SLC2A9: variants seen among roughly 807,000 people sequenced by gnomAD.
SLC2A9 encodes solute carrier family 2, facilitated glucose transporter member 9.
SLC2A9 carries 39 observed loss-of-function variants against 50.6 expected under a neutral mutation model. That is an observed-to-expected ratio of 0.77 (90% confidence interval 0.60 to 1.01). SLC2A9 has a LOEUF of 1.01. Among genes scored for constraint, SLC2A9 ranks in the 50% least tolerant of loss-of-function variants. The probability of loss-of-function intolerance (pLI) is 0.00; values close to 1 mark genes in which losing one functional copy is unlikely to be tolerated. For synonymous variants in SLC2A9, 324 were observed against 276.9 expected, an observed-to-expected ratio of 1.17 and a Z score of -1.69; for missense variants, 686 against 677.6, an observed-to-expected ratio of 1.01 and a Z score of -0.14.
chr4:9,904,273 G>A (rs1204889738), intron 8 of SLC2A9, among the ~76,000 whole-genome samples: 4 of 152,128 alleles, frequency 2.6e-5, no homozygotes, highest in Non-Finnish European at 5.9e-5. Flanking sequence ...GTGTCTGCAG[G>A]GCTGGTTCCT....
At chr4:10,014,937 C>T (rs1021184485) in intron 2 of SLC2A9, among the ~76,000 whole-genome samples, 2 of 152,162 alleles carry the variant, frequency 1.3e-5, no homozygotes, top group Non-Finnish European at 2.9e-5. Context: ...CCCCAAACCC[C>T]ATAGGGAGGG....
chr4:9,913,212 G>T (rs970984364), intron 7 of SLC2A9, among the ~76,000 whole-genome samples: 1 of 152,068 alleles, frequency 6.6e-6, no homozygotes, highest in Non-Finnish European at 1.5e-5. Flanking sequence ...TAATAGCTAA[G>T]CTATTGCAGT....
intron 3 of SLC2A9, among the ~76,000 whole-genome samples, chr4:9,786,488 C>T (rs1719236818): frequency 6.6e-6 from 1 of 152,144 alleles, no homozygotes; most frequent in Non-Finnish European, 1.5e-5. Context: ...TGATTCATCC[C>T]CACAGCTATA....
At chr4:10,025,558 T>C (rs1271009489), upstream of SLC2A9, among the ~76,000 whole-genome samples, 1 of 152,156 alleles carries the variant, frequency 6.6e-6, no homozygotes, top group African/African-American at 2.4e-5. Flanking sequence ...AGCTTTGTGA[T>C]GGATTAAGGG....
chr4:9,969,657 C>T (rs1753583615), intron 5 of SLC2A9, among the ~76,000 whole-genome samples: 1 of 152,156 alleles, frequency 6.6e-6, no homozygotes, highest in African/African-American at 2.4e-5. Flanking sequence ...TTCCCCATGG[C>T]TGGGGAGGCT....
intron 8 of SLC2A9, among the ~76,000 whole-genome samples, chr4:9,904,646 C>A (rs1490946051): frequency 6.6e-6 from 1 of 152,188 alleles, no homozygotes; most frequent in Non-Finnish European, 1.5e-5. Context: ...TGGTTATGTC[C>A]ATTTTACAGA....
intron 2 of SLC2A9, among the ~76,000 whole-genome samples, chr4:10,012,453 TA>T (rs1761919360): frequency 1.3e-5 from 2 of 152,250 alleles, no homozygotes; most frequent in Admixed American, 1.3e-4. Context: ...GACATTGTTC[TA>T]GGTGCTGGCA....
chr4:9,804,248 T>C (rs1519096), intron 3 of SLC2A9, among the ~76,000 whole-genome samples: 36,379 of 152,124 alleles, frequency 0.24, 4,767 homozygotes, highest in East Asian at 0.39. Flanking sequence ...ATTTGCTGAG[T>C]GGACTCAGGA....
intron 6 of SLC2A9, among the ~76,000 whole-genome samples, chr4:9,937,033 G>A (rs1250829054): frequency 6.6e-6 from 1 of 152,296 alleles, no homozygotes; most frequent in East Asian, 1.9e-4. Context: ...GGTACGTTGA[G>A]AACTTCCTCC....
intron 6 of SLC2A9, among the ~76,000 whole-genome samples, chr4:9,920,847 G>A (rs1230023233): frequency 1.3e-5 from 2 of 152,248 alleles, no homozygotes; most frequent in Non-Finnish European, 2.9e-5. Context: ...ACGCAAGGCA[G>A]AGCACACCCA....
intron 3 of SLC2A9, among the ~76,000 whole-genome samples, chr4:9,816,121 A>G (rs1319958828): frequency 1.3e-5 from 2 of 152,062 alleles, no homozygotes; most frequent in African/African-American, 4.8e-5. Context: ...AGTGAGCTGA[A>G]ATTGCACCAC....
chr4:10,017,127 T>A (rs937569419), intron 2 of SLC2A9, among the ~76,000 whole-genome samples: 12 of 152,202 alleles, frequency 7.9e-5, no homozygotes, highest in African/African-American at 2.9e-4. Flanking sequence ...TCTTCCCTGA[T>A]CCCCAGAGTT....
At chr4:9,878,374 A>AG (rs1201569547) in intron 10 of SLC2A9, among the ~76,000 whole-genome samples, 1 of 152,032 alleles carries the variant, frequency 6.6e-6, no homozygotes, top group African/African-American at 2.4e-5. Context: ...CCTCTAAGGA[A>AG]GGGAGAGGGG....
intron 1 of SLC2A9, among the ~76,000 whole-genome samples, chr4:9,774,729 T>A (rs1345744740): frequency 1.3e-5 from 2 of 152,050 alleles, no homozygotes; most frequent in Admixed American, 6.6e-5. Flanking sequence ...CTCCTCCTTC[T>A]CATTTTCCTT....
At chr4:9,826,642 G>A in intron 11 of SLC2A9, 42 bp from the exon 12 acceptor site, 1 of 1,576,596 alleles carries the variant, frequency 6.3e-7, no homozygotes, top group South Asian at 1.1e-5. Context: ...TAGATAATCA[G>A]TAAACTTGCT....
chr4:9,957,654 G>A (rs1018958995), intron 5 of SLC2A9, among the ~76,000 whole-genome samples: 1 of 152,076 alleles, frequency 6.6e-6, no homozygotes, highest in Admixed American at 6.5e-5. Context: ...AAATGAACGG[G>A]GACAGGGGGA....
At chr4:10,038,157 C>T (rs1764167759) in intron 1 of SLC2A9, among the ~76,000 whole-genome samples, 1 of 151,904 alleles carries the variant, frequency 6.6e-6, no homozygotes, top group South Asian at 2.1e-4. Flanking sequence ...ATTTGTGAGT[C>T]CCTTACATAG....
chr4:9,883,324 A>C (rs533590890), intron 10 of SLC2A9, among the ~76,000 whole-genome samples: 6 of 152,324 alleles, frequency 3.9e-5, no homozygotes, highest in Admixed American at 2.0e-4. Context: ...AGTCCAGGGT[A>C]GTGTGTAGAG....
At chr4:9,877,950 G>C (rs773760839) in intron 10 of SLC2A9, among the ~76,000 whole-genome samples, 1 of 152,048 alleles carries the variant, frequency 6.6e-6, no homozygotes, top group Non-Finnish European at 1.5e-5. Flanking sequence ...TTTCCTCCTC[G>C]GGGTCAGCCG....
Sources: gnomAD v4.1 joint callset for allele counts (sites outside exome capture counted in the v4.1 genomes callset) on GRCh38, gnomAD v4.1.1 for gene constraint, MANE v1.5 for transcripts, NCBI Gene and HGNC (gene_info 2026-07-23, HGNC 2026-07-21) for gene names.